The following NUP210L variants were observed in gnomAD, a reference collection of about 807,000 sequenced individuals.
NUP210L encodes nuclear pore membrane glycoprotein 210-like.
A neutral mutation model predicts 208.5 loss-of-function variants in NUP210L; 74 were observed. The observed-to-expected ratio is 0.35, with a 90% CI of 0.29 to 0.43. The LOEUF (loss-of-function observed/expected upper bound fraction) is 0.43. NUP210L is among the 20% of genes least tolerant of loss of function. The probability of loss-of-function intolerance (pLI) is 1.00; values close to 1 mark genes in which losing one functional copy is unlikely to be tolerated. For missense variants in NUP210L, 1,843 were observed against 2,289.4 expected, an observed-to-expected ratio of 0.81 and a Z score of 3.98; for synonymous variants, 780 against 816.9, an observed-to-expected ratio of 0.95 and a Z score of 0.77.
intron 23 of NUP210L, among the ~76,000 whole-genome samples, chr1:154,055,113 TC>T (rs1454309600): frequency 1.4e-5 from 2 of 139,614 alleles, no homozygotes; most frequent in East Asian, 4.3e-4. Context: ...CTTTTCTTTC[TC>T]TTTCTTTCTT....
intron 25 of NUP210L, among the ~76,000 whole-genome samples, chr1:154,053,694 G>A (rs912172015): frequency 3.9e-5 from 6 of 152,186 alleles, no homozygotes; most frequent in African/African-American, 9.7e-5. Context: ...TTTGTTTCCC[G>A]TAAGGAATGC....
At chr1:154,111,939 G>A (rs1270396679) in intron 12 of NUP210L, among the ~76,000 whole-genome samples, 1 of 151,056 alleles carries the variant, frequency 6.6e-6, no homozygotes, top group Admixed American at 6.6e-5. Context: ...GTTTTGTTTT[G>A]TTTTTTCAGA....
At chr1:154,104,470 T>G (rs1656640972) in intron 12 of NUP210L, 2 of 410,852 alleles carry the variant, frequency 4.9e-6, no homozygotes, top group Admixed American at 4.0e-5. Context: ...CAACATCACC[T>G]CTCTTCCTTT....
At chr1:154,094,330 T>C (rs1656083316) in intron 15 of NUP210L, among the ~76,000 whole-genome samples, 3 of 151,764 alleles carry the variant, frequency 2.0e-5, no homozygotes, top group Admixed American at 2.0e-4. Flanking sequence ...TGGTGGTGTG[T>C]GCCTGTAATC....
At chr1:154,071,792 T>C (rs1654747074) in intron 16 of NUP210L, among the ~76,000 whole-genome samples, 1 of 151,876 alleles carries the variant, frequency 6.6e-6, no homozygotes, top group Non-Finnish European at 1.5e-5. Context: ...CGTGCCACTA[T>C]GCCCGGCTAA....
At chr1:154,010,420 C>G (rs1427869641) in intron 34 of NUP210L, among the ~76,000 whole-genome samples, 1 of 152,094 alleles carries the variant, frequency 6.6e-6, no homozygotes. Flanking sequence ...GTCGCCCAGT[C>G]TGGAGTGCAG....
chr1:154,038,837 G>C (rs1259451625), intron 27 of NUP210L, among the ~76,000 whole-genome samples: 1 of 152,128 alleles, frequency 6.6e-6, no homozygotes, highest in African/African-American at 2.4e-5. Flanking sequence ...TTAAACTGAT[G>C]ACACTTAACA....
At chr1:154,104,090 T>C (rs1158955249) in exon 13 of NUP210L, 4 of 1,614,028 alleles carry the variant, frequency 2.5e-6, no homozygotes, top group Non-Finnish European at 3.4e-6. Flanking sequence ...GTGAATGCCA[T>C]GGCTTCTTTG....
At chr1:154,007,826 G>A (rs1345119636) in intron 35 of NUP210L, among the ~76,000 whole-genome samples, 2 of 149,400 alleles carry the variant, frequency 1.3e-5, no homozygotes, top group Admixed American at 6.7e-5. Flanking sequence ...CGCCTGCCTC[G>A]GCCTCCCAAA....
chr1:154,041,504 T>A (rs1312272723), intron 27 of NUP210L, among the ~76,000 whole-genome samples: 2 of 151,922 alleles, frequency 1.3e-5, no homozygotes, highest in Non-Finnish European at 2.9e-5. Flanking sequence ...TTAATTTTTT[T>A]ATTTGTAGTA....
At chr1:154,070,770 A>G (rs1176476885) in intron 16 of NUP210L, among the ~76,000 whole-genome samples, 3 of 152,070 alleles carry the variant, frequency 2.0e-5, no homozygotes, top group Non-Finnish European at 4.4e-5. Context: ...ACCCCTAACT[A>G]TTTCAGCATG....
At chr1:154,136,446 C>T (rs529326466) in intron 6 of NUP210L, among the ~76,000 whole-genome samples, 3 of 150,766 alleles carry the variant, frequency 2.0e-5, no homozygotes, top group African/African-American at 4.9e-5. Context: ...AGCATAACTC[C>T]GTCTCAAAAT....
intron 27 of NUP210L, among the ~76,000 whole-genome samples, chr1:154,031,545 C>G (rs1652221440): frequency 7.8e-6 from 1 of 127,802 alleles, no homozygotes; most frequent in South Asian, 3.0e-4. Flanking sequence ...CTACGCTTTC[C>G]AGCCTCCAGT....
intron 4 of NUP210L, 89 bp downstream of exon 4, chr1:154,141,342 T>C (rs907786492): frequency 1.2e-6 from 1 of 805,766 alleles, no homozygotes; most frequent in Non-Finnish European, 2.2e-6. Context: ...GTCATCAAAG[T>C]CCACACAAAT....
intron 39 of NUP210L, 21 bp from the exon 40 acceptor site, chr1:153,992,956 T>G: frequency 1.2e-6 from 2 of 1,608,336 alleles, no homozygotes. Flanking sequence ...AGGGAAAAGT[T>G]GAGTGAATTA....
At chr1:154,065,020 G>A (rs2148003844) in intron 17 of NUP210L, among the ~76,000 whole-genome samples, 1 of 151,812 alleles carries the variant, frequency 6.6e-6, no homozygotes, top group East Asian at 1.9e-4. Context: ...AGGTTGCAAT[G>A]AGCCGAGATT....
At chr1:154,011,684 T>G (rs1650930908) in intron 34 of NUP210L, among the ~76,000 whole-genome samples, 3 of 129,428 alleles carry the variant, frequency 2.3e-5, no homozygotes, top group Admixed American at 2.3e-4. Flanking sequence ...CTTAAGTTTT[T>G]TTTTTTTTTT....
rs745360824 is a variant in NUP210L, at chr1:154,089,461, C to A, written c.2321G>T (p.Gly774Val). 4.3e-6 allele frequency: 7 copies of A among 1,614,108 alleles called. No homozygotes were observed. The East Asian group carries it at 1.1e-4, about 26-fold the overall frequency. ...CTGTGGCAGAGGACATGGCTGGGCA[C>A]CAGCTGGCACCTTGTATACTGGAGT... The change falls in exon 16 of 40, where the codon GGT becomes GTT. Residue 774 changes from glycine to valine, a missense_variant. Around this residue, in one of 5 missense-constraint regions of NUP210L, gnomAD observed 408 missense variants for 600.8 expected, o/e 0.68. Transcript: ENST00000368559.
chr1:153,999,666 G>A (rs982005592), intron 37 of NUP210L, among the ~76,000 whole-genome samples: 1 of 148,084 alleles, frequency 6.8e-6, no homozygotes, highest in Non-Finnish European at 1.5e-5. Flanking sequence ...GAACTTGGGA[G>A]GTGGAGGTTG....
Sources: allele counts gnomAD v4.1 joint callset (sites outside exome capture counted in the v4.1 genomes callset), GRCh38; gene constraint gnomAD v4.1.1; regional missense constraint gnomAD v4.1.1; transcripts MANE v1.5; gene names NCBI Gene and HGNC (gene_info 2026-07-23, HGNC 2026-07-21).